Variants in DPH3 observed in about 807,000 individuals in gnomAD.
DPH3 encodes the protein diphthamide biosynthesis protein 3.
In DPH3, 8 loss-of-function variants were observed where a neutral mutation model predicts 10.2. That is an observed-to-expected ratio of 0.79 (90% CI 0.46 to 1.42). The LOEUF (loss-of-function observed/expected upper bound fraction) is 1.42. Ranked by LOEUF, DPH3 falls within the 40% of genes most tolerant of loss-of-function variation. The pLI is 0.00. For synonymous variants in DPH3, 35 were observed against 35.6 expected (o/e 0.98, Z 0.06); for missense variants, 96 against 98.9 (o/e 0.97, Z 0.12).
rs999040042 is a variant in DPH3, at chr3:16,263,099, C to T, written c.183+1056G>A. ...ATAGCACTCCTATGTTCAAAAATCC[C>T]CCAATGGTTCCCTATATCACTCACA... On this transcript the variant is annotated intron_variant, in intron 2 of 2. Transcript: ENST00000488423. The surrounding 1 kb of genome is among the most constrained non-coding windows in gnomAD (Gnocchi z 4.0). Among the ~76,000 whole-genome samples the T allele has an allele frequency of 6.6e-6, 1 of 152,014 alleles. No homozygotes were observed. The highest frequency in any genetic ancestry group is 2.4e-5 in the African/African-American group (1 of 41,366).
Position 16,260,509 on chromosome 3 carries a change from T to C in DPH3, c.*255A>G. The C allele has an allele frequency of 4.8e-6, 2 of 419,164 alleles. No individual in the cohort carries two copies. The highest frequency in any genetic ancestry group is 8.7e-6 in the Non-Finnish European group (2 of 229,676). 26.0% of individuals were successfully genotyped at this position (419,164 alleles called of 1,614,324 possible). ...AAACCAAGGGAAAGAAAGCACTGTT[T>C]TGAAATTATCTTCTTTTAAATTTAG... On this transcript the variant is annotated 3_prime_UTR_variant, in exon 3 of 3. Coordinates refer to ENST00000488423, the MANE Select transcript of DPH3 (RefSeq NM_206831.3).
In DPH3 at chr3:16,264,767, A is replaced by T. The variant is rs1319064108; in HGVS notation, c.108+2T>A. 1 of 1,614,018 alleles carries T rather than the reference A, an allele frequency of 6.2e-7. No individual in the cohort carries two copies. Among genetic ancestry groups the T allele is most frequent in the South Asian group, 1.1e-5 (1 of 91,064 alleles). On this transcript the variant is annotated splice_donor_variant, in intron 1 of 2. Coordinates refer to ENST00000488423, the MANE Select transcript of DPH3 (RefSeq NM_206831.3). LOFTEE classifies it high-confidence loss of function. Reference sequence around the variant, plus strand: ...AACCGCCGGGCGGGACCCTGAAGTTACCTTGGTGATGGAGAAGTTATCTCC... The same window carrying T: ...AACCGCCGGGCGGGACCCTGAAGTTTCCTTGGTGATGGAGAAGTTATCTCC...
Position 16,257,460 on chromosome 3 carries a change from C to CTA in DPH3, c.*3302_*3303dup, listed in dbSNP as rs1192244273. Among the ~76,000 whole-genome samples, 2 of 152,252 alleles carry CTA rather than the reference C, an allele frequency of 1.3e-5. No individual in the cohort carries two copies. Among genetic ancestry groups the CTA allele is most frequent in the South Asian group, 4.1e-4 (2 of 4,836 alleles). ...AAACCGAATCTTCTTCCCCTAGTGC[C>CTA]TAGCATGTGACAGGTACTTCTTTGC... On this transcript the variant is annotated 3_prime_UTR_variant, in exon 3 of 3. Transcript: ENST00000488423.
At chr3:16,260,925 T>C (rs964445239) in intron 2 of DPH3, 96 bp from the exon 3 acceptor site, 46 of 1,077,344 alleles carry the variant, frequency 4.3e-5, no homozygotes, top group Non-Finnish European at 6.1e-5. Flanking sequence ...AATCCAGCGC[T>C]GTTAATTGTT....
chr3:16,262,486 C>G lies in DPH3; in HGVS notation c.184-1657G>C, dbSNP rs200490660. 2.6e-5 allele frequency among the ~76,000 whole-genome samples: 4 copies of G among 152,324 alleles called. No individual in the cohort carries two copies. Among genetic ancestry groups the G allele is most frequent in the East Asian group, 3.9e-4 (2 of 5,186 alleles). ...TTTTCCTCCTTTCTCAGTGGTTTCT[C>G]CTTTACCATCAGCTTTGGTGATTCC... On this transcript the variant is annotated intron_variant, in intron 2 of 2. Transcript: ENST00000488423. The surrounding 1 kb of genome is among the most constrained non-coding windows in gnomAD (Gnocchi z 4.7).
Position 16,264,112 on chromosome 3 carries a change from GACTT to G in DPH3, c.183+39_183+42del, listed in dbSNP as rs1393249032. ...CAAGCTGATCTAAGTCCTTGCCACTGACTTACAATACCCTTCCCCCGTTTTAAAA... is the reference window on the plus strand; with the variant it reads ...CAAGCTGATCTAAGTCCTTGCCACTGACAATACCCTTCCCCCGTTTTAAAA... On this transcript the variant is annotated intron_variant, in intron 2 of 2. Transcript: ENST00000488423. The G allele has an allele frequency of 2.1e-6, 3 of 1,437,592 alleles. No individual in the cohort carries two copies. In the Admixed American group the frequency reaches 5.5e-5, roughly 26 times the overall value. 89.1% of individuals were successfully genotyped at this position (1,437,592 alleles called of 1,614,324 possible). A position where few individuals can be genotyped will look rare whatever the true frequency, so the allele number is the denominator to read the frequency against.
chr3:16,260,095 C>T lies in DPH3; in HGVS notation c.*669G>A, dbSNP rs1003486574. The T allele has an allele frequency of 2.6e-5, 4 of 152,228 alleles. No homozygotes were observed. Among genetic ancestry groups the T allele is most frequent in the Admixed American group, 6.5e-5 (1 of 15,284 alleles). 9.4% of individuals were successfully genotyped at this position (152,228 alleles called of 1,614,324 possible). ...ATAAGAAAAGTCCTCATTCTTTCAT[C>T]ACTTCATTTTGGACTTTCTTTCTTG... is the stretch of plus-strand genomic sequence containing the variant. On this transcript the variant is annotated 3_prime_UTR_variant, in exon 3 of 3. Transcript: ENST00000488423.
rs776426099 is a variant in DPH3, at chr3:16,264,184, A to G, written c.154T>C (p.Ser52Pro). Residue 52 changes from serine to proline, a missense_variant, in exon 2 of 3, where the codon TCT becomes CCT. Ser to Pro is a moderately conservative substitution (Grantham distance 74). Coordinates refer to ENST00000488423, the MANE Select transcript of DPH3 (RefSeq NM_206831.3). ...TCATAAATCACTTTTATAATGAGAG[A>G]GCAGCTAGGACACGTTGCCACGTCT... The part of the protein sequence containing the change: ...GEDVATCPSC[S>P]LIIKVIYDKD... 1.2e-6 allele frequency: 2 copies of G among 1,611,218 alleles called. No individual in the cohort carries two copies. The highest frequency in any genetic ancestry group is 1.7e-6 in the Non-Finnish European group (2 of 1,178,066).
At chr3:16,260,991 A>G (rs2064290358) in intron 2 of DPH3, among the ~76,000 whole-genome samples, 162 bp from the exon 3 acceptor site, 1 of 152,254 alleles carries the variant, frequency 6.6e-6, no homozygotes, top group African/African-American at 2.4e-5. Context: ...CAGCACCAGA[A>G]GTAGAATCTT....
In DPH3 at chr3:16,257,371, G is replaced by T. The variant is rs1340551594; in HGVS notation, c.*3393C>A. On this transcript the variant is annotated 3_prime_UTR_variant, in exon 3 of 3. Coordinates refer to ENST00000488423, the MANE Select transcript of DPH3 (RefSeq NM_206831.3). ...CACATCACCTGGTTTGTTTCCTTGG[G>T]GGCTCTAACTCATCTGTAATCTTGC... Among the ~76,000 whole-genome samples the T allele has an allele frequency of 6.6e-6, 1 of 152,104 alleles. No homozygotes were observed. The highest frequency in any genetic ancestry group is 1.9e-4 in the East Asian group (1 of 5,192).
rs554014813 is a variant in DPH3, at chr3:16,262,228, C to T, written c.184-1399G>A. 6.6e-5 allele frequency among the ~76,000 whole-genome samples: 10 copies of T among 152,202 alleles called. No homozygotes were observed. Among genetic ancestry groups the T allele is most frequent in the Non-Finnish European group, 1.3e-4 (9 of 68,030 alleles). On this transcript the variant is annotated intron_variant, in intron 2 of 2. Transcript: ENST00000488423. The surrounding 1 kb of genome is among the most constrained non-coding windows in gnomAD (Gnocchi z 4.7). ...AAACTCCTTAAAAGAAATGCCTATA[C>T]TCACTGCCTTCTGTTCTCTCATTCT... is the stretch of plus-strand genomic sequence containing the variant.
At position 16,263,580 on chromosome 3, in the gene DPH3, T is replaced by A. The variant is rs181100599; in HGVS notation, c.183+575A>T. Among the ~76,000 whole-genome samples, 82 of 152,330 alleles carry A rather than the reference T, an allele frequency of 5.4e-4. No homozygotes were observed. Among genetic ancestry groups the A allele is most frequent in the African/African-American group, 1.7e-3 (72 of 41,580 alleles). ...TTTTGGACTTCATCCTTGAGAGTGT[T>A]AAGGTCCTTACCTAAGATTCCATTC... On this transcript the variant is annotated intron_variant, in intron 2 of 2. Coordinates refer to ENST00000488423, the MANE Select transcript of DPH3 (RefSeq NM_206831.3). The surrounding 1 kb of genome is among the most constrained non-coding windows in gnomAD (Gnocchi z 4.0).
chr3:16,261,354 CA>C lies in DPH3; in HGVS notation c.184-526del, dbSNP rs2064291984. On this transcript the variant is annotated intron_variant, in intron 2 of 2. Transcript: ENST00000488423. The surrounding 1 kb of genome is among the most constrained non-coding windows in gnomAD (Gnocchi z 7.1). ...AGCTACCACCAAAAATCTCTGCTTC[CA>C]AGGTTATCCCTCACCTCCAGCAATC... Among the ~76,000 whole-genome samples the C allele has an allele frequency of 6.6e-6, 1 of 152,202 alleles. No individual in the cohort carries two copies. Among genetic ancestry groups the C allele is most frequent in the South Asian group, 2.1e-4 (1 of 4,828 alleles).
chr3:16,260,686 G>T lies in DPH3; in HGVS notation c.*78C>A. 7.7e-7 allele frequency: 1 copy of T among 1,296,508 alleles called. No homozygotes were observed. Among genetic ancestry groups the T allele is most frequent in the Non-Finnish European group, 1.1e-6 (1 of 909,264 alleles). 80.3% of individuals were successfully genotyped at this position (1,296,508 alleles called of 1,614,324 possible). ...GCAAATCATAAATGGTTGTCTCTGT[G>T]AAGCCAGTAGCTTTGCATTCGATAT... On this transcript the variant is annotated 3_prime_UTR_variant, in exon 3 of 3. Coordinates refer to ENST00000488423, the MANE Select transcript of DPH3 (RefSeq NM_206831.3).
At chr3:16,264,386 A>G in intron 1 of DPH3, 157 bp from the exon 2 acceptor site, 1 of 550,080 alleles carries the variant, frequency 1.8e-6, no homozygotes, top group Non-Finnish European at 3.2e-6. Flanking sequence ...TGCCGACATC[A>G]TTTTCCCCTA....
In DPH3 at chr3:16,263,133, C is replaced by G. The variant is rs1196116254; in HGVS notation, c.183+1022G>C. ...TCCCTATATCACTCACAACAAGAGC[C>G]TAAGTCCTTAAAGTGATCCACAACT... On this transcript the variant is annotated intron_variant, in intron 2 of 2. Coordinates refer to ENST00000488423, the MANE Select transcript of DPH3 (RefSeq NM_206831.3). This position sits in a 1 kb window ranked among gnomAD's most constrained non-coding sequence, Gnocchi z 4.0. 1.4e-5 allele frequency among the ~76,000 whole-genome samples: 2 copies of G among 140,212 alleles called. No individual in the cohort carries two copies. The highest frequency in any genetic ancestry group is 3.0e-5 in the Non-Finnish European group (2 of 65,670). The allele number at this position is 140,212 out of a possible 152,430, so 92.0% of individuals were successfully genotyped here.
In DPH3 at chr3:16,264,167, C is replaced by A; in HGVS notation, c.171G>T (p.Val57=). 6.2e-7 allele frequency: 1 copy of A among 1,606,694 alleles called. No individual in the cohort carries two copies. Among genetic ancestry groups the A allele is most frequent in the Non-Finnish European group, 8.5e-7 (1 of 1,175,202 alleles). ...TCPSCSLIIK[V]IYDKDQFVCG... ...TTATATCCCTTACTTTGTCATAAAT[C>A]ACTTTTATAATGAGAGAGCAGCTAG... Residue 57 remains valine (V), a synonymous_variant, in exon 2 of 3, where the codon GTG becomes GTT. Transcript: ENST00000488423.
chr3:16,262,962 A>G lies in DPH3; in HGVS notation c.183+1193T>C, dbSNP rs527664663. On this transcript the variant is annotated intron_variant, in intron 2 of 2. Coordinates refer to ENST00000488423, the MANE Select transcript of DPH3 (RefSeq NM_206831.3). The surrounding 1 kb of genome is among the most constrained non-coding windows in gnomAD (Gnocchi z 4.7). ...TCCAAGCCACCCATCTCCTTCTTTA[A>G]TTAGTGTAATAGCCTCCTATTACAC... 6.6e-4 allele frequency among the ~76,000 whole-genome samples: 101 copies of G among 152,258 alleles called. 1 individual carries two copies. The highest frequency in any genetic ancestry group is 1.2e-3 in the Non-Finnish European group (85 of 68,010).
In DPH3 at chr3:16,262,147, T is replaced by C. The variant is rs568945916; in HGVS notation, c.184-1318A>G. On this transcript the variant is annotated intron_variant, in intron 2 of 2. Coordinates refer to ENST00000488423, the MANE Select transcript of DPH3 (RefSeq NM_206831.3). The surrounding 1 kb of genome is among the most constrained non-coding windows in gnomAD (Gnocchi z 4.7). ...TGAATTTCTACCACCTTAAACCCTC[T>C]CTTGATCCTCTATCACCACTGGTTA... Among the ~76,000 whole-genome samples, 100 of 152,344 alleles carry C rather than the reference T, an allele frequency of 6.6e-4. No homozygotes were observed. Among genetic ancestry groups the C allele is most frequent in the Non-Finnish European group, 1.5e-4 (10 of 68,026 alleles).
Sources: allele counts gnomAD v4.1 joint callset (sites outside exome capture counted in the v4.1 genomes callset), GRCh38; gene constraint gnomAD v4.1.1; non-coding constraint Gnocchi (gnomAD v3.1); transcripts MANE v1.5; gene names NCBI Gene and HGNC (gene_info 2026-07-23, HGNC 2026-07-21).